The following PCDHA10 variants were observed in gnomAD, a reference collection of about 807,000 sequenced individuals.
The protein encoded by PCDHA10 is protocadherin alpha 10.
In PCDHA10, 45 loss-of-function variants were observed where a neutral mutation model predicts 61.2. That is an observed-to-expected ratio of 0.74 (90% CI 0.58 to 0.94). The LOEUF is 0.94. Among genes scored for constraint, PCDHA10 ranks in the 40% least tolerant of loss-of-function variants. PCDHA10 has a pLI of 0.00. For missense variants in PCDHA10, 1,278 were observed against 1,236.2 expected (o/e 1.03, Z -0.51); for synonymous variants, 602 against 548.8 (o/e 1.10, Z -1.35).
chr5:140,898,456 C>G (rs1333861280), intron 1 of PCDHA10, among the ~76,000 whole-genome samples: 2 of 152,134 alleles, frequency 1.3e-5, no homozygotes, highest in African/African-American at 2.4e-5. Flanking sequence ...AATCCTTTCC[C>G]CATTGCTTGT....
intron 1 of PCDHA10, among the ~76,000 whole-genome samples, chr5:140,918,027 G>A (rs782291548): frequency 8.5e-5 from 13 of 152,226 alleles, no homozygotes; most frequent in African/African-American, 1.9e-4. Context: ...ACCCATGAGC[G>A]TGGAAGGTCT....
chr5:140,869,591 A>G (rs782105068), intron 1 of PCDHA10: 2 of 1,614,020 alleles, frequency 1.2e-6, no homozygotes, highest in Non-Finnish European at 1.7e-6. Flanking sequence ...GCTGACATTG[A>G]AGAGAATGCT....
At chr5:140,997,604 G>A (rs1271144424) in intron 3 of PCDHA10, among the ~76,000 whole-genome samples, 2 of 152,136 alleles carry the variant, frequency 1.3e-5, no homozygotes, top group East Asian at 1.9e-4. Flanking sequence ...ATTATGGGGC[G>A]CATGACTATA....
intron 1 of PCDHA10, among the ~76,000 whole-genome samples, chr5:140,894,550 T>C (rs943231588): frequency 3.3e-5 from 5 of 151,996 alleles, no homozygotes; most frequent in Non-Finnish European, 5.9e-5. Context: ...TAGTGTTTAC[T>C]TCTGAAAAAA....
At chr5:140,861,470 G>A (rs1554154806) in intron 1 of PCDHA10, 1 of 492,724 alleles carries the variant, frequency 2.0e-6, no homozygotes, top group Non-Finnish European at 4.2e-6. Context: ...TAAATCTGCA[G>A]AATGGCATTT....
chr5:140,864,875 T>G (rs1554159183), intron 1 of PCDHA10: 1 of 152,186 alleles, frequency 6.6e-6, no homozygotes, highest in Non-Finnish European at 1.5e-5. Context: ...TACCATTGTC[T>G]GTGTTCATTA....
At chr5:140,869,227 G>C (rs782048898) in intron 1 of PCDHA10, 1 of 1,613,788 alleles carries the variant, frequency 6.2e-7, no homozygotes, top group South Asian at 1.1e-5. Context: ...GGCCAAACAC[G>C]GCACCTTCGT....
rs572947059 is a variant in PCDHA10 at position 141,007,735 on chromosome 5, A to G, written c.2537-1892A>G. Reference sequence around the variant, plus strand: ...CCACCAGGGAGAACAAAGGTTAACCACTGAAGATAACTTTGGACTCTTATT... The same window carrying G: ...CCACCAGGGAGAACAAAGGTTAACCGCTGAAGATAACTTTGGACTCTTATT... On this transcript the variant is annotated intron_variant, in intron 3 of 3. Coordinates refer to ENST00000307360, the MANE Select transcript of PCDHA10 (RefSeq NM_018901.4). Among the ~76,000 whole-genome samples, 58 of 152,336 alleles carry G rather than the reference A, an allele frequency of 3.8e-4. 1 individual carries two copies. Among genetic ancestry groups the G allele is most frequent in the South Asian group, 2.9e-3 (14 of 4,824 alleles).
At chr5:140,928,555 A>T in intron 1 of PCDHA10, 1 of 1,614,240 alleles carries the variant, frequency 6.2e-7, no homozygotes, top group South Asian at 1.1e-5. Flanking sequence ...TTATCCGGTT[A>T]TCTTGTTTCC....
chr5:140,867,871 A>G (rs1450375674), intron 1 of PCDHA10: 1 of 152,152 alleles, frequency 6.6e-6, no homozygotes, highest in Non-Finnish European at 1.5e-5. Flanking sequence ...TTAATTTTCT[A>G]TGTTTTAAGC....
At chr5:140,862,906 C>A in intron 1 of PCDHA10, 1 of 554,064 alleles carries the variant, frequency 1.8e-6, no homozygotes, top group Non-Finnish European at 3.5e-6. Flanking sequence ...GTCTGCGCTG[C>A]TGGCGCCTTG....
At chr5:140,982,364 T>A in intron 2 of PCDHA10, 111 bp from the exon 3 acceptor site, 1 of 1,534,660 alleles carries the variant, frequency 6.5e-7, no homozygotes, top group Non-Finnish European at 8.8e-7. Flanking sequence ...ATGAGCAGAA[T>A]GTGTTAGCTG....
rs539900578 is a variant in PCDHA10, at chr5:140,868,861, T to C, written c.2388+10425T>C. Reference sequence around the variant, plus strand: ...ACACGTGAAATTCTGTGGTGGTAAATGCAGTGCACAGTACTCACAGTTTTA... The same window carrying C: ...ACACGTGAAATTCTGTGGTGGTAAACGCAGTGCACAGTACTCACAGTTTTA... On this transcript the variant is annotated intron_variant, in intron 1 of 3. Coordinates refer to ENST00000307360, the MANE Select transcript of PCDHA10 (RefSeq NM_018901.4). 7 of 525,402 alleles carry C rather than the reference T, an allele frequency of 1.3e-5. No homozygotes were observed. In the Admixed American group the frequency reaches 2.2e-4, roughly 17 times the overall value. 32.5% of individuals were successfully genotyped at this position (525,402 alleles called of 1,614,324 possible). A position where few individuals can be genotyped will look rare whatever the true frequency, so the allele number is the denominator to read the frequency against.
At chr5:140,927,174 C>G (rs782406584) in intron 1 of PCDHA10, 2 of 1,614,186 alleles carry the variant, frequency 1.2e-6, no homozygotes, top group Non-Finnish European at 8.5e-7. Context: ...CTGCCTGCGT[C>G]TTGACCTACG....
At chr5:140,889,242 TTC>T (rs1195440878) in intron 1 of PCDHA10, among the ~76,000 whole-genome samples, 1 of 151,892 alleles carries the variant, frequency 6.6e-6, no homozygotes, top group African/African-American at 2.4e-5. Flanking sequence ...CCAGAAAATT[TTC>T]TGTTTCCTGT....
At chr5:140,874,625 T>C (rs1342932675) in intron 1 of PCDHA10, among the ~76,000 whole-genome samples, 3 of 152,238 alleles carry the variant, frequency 2.0e-5, no homozygotes, top group Admixed American at 6.5e-5. Flanking sequence ...ACATTTTACA[T>C]TAAAGTGCTT....
chr5:140,938,928 T>G (rs1220764640), intron 1 of PCDHA10, among the ~76,000 whole-genome samples: 2 of 152,104 alleles, frequency 1.3e-5, no homozygotes, highest in African/African-American at 4.8e-5. Flanking sequence ...AAATTGGCTT[T>G]TAACTTTCCA....
intron 1 of PCDHA10, among the ~76,000 whole-genome samples, chr5:140,936,016 C>T (rs1170221921): frequency 6.6e-6 from 1 of 151,732 alleles, no homozygotes; most frequent in Non-Finnish European, 1.5e-5. Context: ...CCTCAGCCTC[C>T]CGAGTAGCGG....
chr5:140,895,428 C>A (rs2065003978), intron 1 of PCDHA10, among the ~76,000 whole-genome samples: 1 of 152,154 alleles, frequency 6.6e-6, no homozygotes, highest in Non-Finnish European at 1.5e-5. Flanking sequence ...TTTGCTTCCT[C>A]CTGAGACTCT....
Sources: allele counts gnomAD v4.1 joint callset (sites outside exome capture counted in the v4.1 genomes callset), GRCh38; gene constraint gnomAD v4.1.1; transcripts MANE v1.5; gene names NCBI Gene and HGNC (gene_info 2026-07-23, HGNC 2026-07-21).